EPHB1: variants seen among roughly 807,000 people sequenced by gnomAD.
EPHB1 encodes the protein ephrin type-B receptor 1.
A neutral mutation model predicts 94.4 loss-of-function variants in EPHB1; 30 were observed. The ratio of observed to expected loss-of-function variants is 0.32; its 90% CI spans 0.24 to 0.43. The LOEUF (loss-of-function observed/expected upper bound fraction) is 0.43. EPHB1 is among the 20% of genes least tolerant of loss of function. The pLI is 1.00. For missense variants in EPHB1, 1,055 were observed against 1,308.3 expected, an observed-to-expected ratio of 0.81 and a Z score of 2.99; for synonymous variants, 522 against 489.1, an observed-to-expected ratio of 1.07 and a Z score of -0.89.
chr3:135,226,456 T>TA (rs1943404543), intron 12 of EPHB1, among the ~76,000 whole-genome samples: 1 of 152,198 alleles, frequency 6.6e-6, no homozygotes, highest in African/African-American at 2.4e-5. Context: ...TCAAGGAGAA[T>TA]GGTCAGTGTA....
chr3:135,259,065 A>G lies in EPHB1; in HGVS notation c.2900A>G (p.Asn967Ser), dbSNP rs766596954. The stretch of plus-strand genomic sequence containing the variant: ...GCAGGCCATCAGAAGAAGATCCTGA[A>G]CAGCATTCATTCTATGAGGGTCCAG... Reference protein sequence around the residue: ...TLAGHQKKILNSIHSMRVQIS... With the variant: ...TLAGHQKKILSSIHSMRVQIS... The change falls in exon 16 of 16, where the codon AAC becomes AGC. Residue 967 changes from asparagine to serine, a missense_variant. Physicochemically the swap from Asn to Ser is conservative, Grantham distance 46. Coordinates refer to ENST00000398015, the MANE Select transcript of EPHB1 (RefSeq NM_004441.5). The G allele has an allele frequency of 1.2e-6, 2 of 1,611,022 alleles. No homozygotes were observed. The highest frequency in any genetic ancestry group is 1.7e-6 in the Non-Finnish European group (2 of 1,178,870).
chr3:135,032,240 T>C (rs969109109), intron 3 of EPHB1, among the ~76,000 whole-genome samples: 1 of 151,472 alleles, frequency 6.6e-6, no homozygotes, highest in African/African-American at 2.4e-5. Flanking sequence ...AGATGGATTC[T>C]TTTATTTTTT....
intron 3 of EPHB1, among the ~76,000 whole-genome samples, chr3:135,048,969 C>T (rs989649172): frequency 6.6e-6 from 1 of 152,176 alleles, no homozygotes; most frequent in South Asian, 2.1e-4. Context: ...CCTGTGGATG[C>T]TTCCTTACAG....
At position 135,132,804 on chromosome 3, in the gene EPHB1, G is replaced by A. The variant is rs757558701; in HGVS notation, c.1052G>A (p.Arg351Gln). ...CACCCTCCAAGGGAGACAGGTGGGC[G>A]GGATGATGTGACCTACAACATCATC... ...EWHPPRETGG[R>Q]DDVTYNIICK... The change falls in exon 5 of 16, where the codon CGG (arginine) becomes CAG (glutamine). Residue 351 changes from arginine to glutamine, a missense_variant. By Grantham distance (43) the Arg-to-Gln change is conservative. Transcript: ENST00000398015. The A allele has an allele frequency of 1.2e-6, 2 of 1,613,974 alleles. No individual in the cohort carries two copies. Among genetic ancestry groups the A allele is most frequent in the South Asian group, 1.1e-5 (1 of 91,072 alleles).
intron 1 of EPHB1, among the ~76,000 whole-genome samples, chr3:134,887,639 A>C (rs1389273408): frequency 6.6e-6 from 1 of 152,220 alleles, no homozygotes; most frequent in African/African-American, 2.4e-5. Context: ...AAATCTGAAT[A>C]ATGAAAAAGA....
At chr3:135,235,316 A>T (rs188950804) in intron 12 of EPHB1, among the ~76,000 whole-genome samples, 6 of 152,346 alleles carry the variant, frequency 3.9e-5, no homozygotes, top group African/African-American at 1.4e-4. Context: ...GGATTGATCT[A>T]TGCCAGCAGT....
chr3:135,055,958 C>T (rs1230719150), intron 3 of EPHB1, among the ~76,000 whole-genome samples: 1 of 152,200 alleles, frequency 6.6e-6, no homozygotes, highest in Non-Finnish European at 1.5e-5. Flanking sequence ...CCTGGGCTCT[C>T]TTCCACCTGG....
In EPHB1 at chr3:134,824,125, CTTTTTTTTTT is replaced by C. The variant is rs373504139; in HGVS notation, c.58+28452_58+28461del. Among the ~76,000 whole-genome samples the C allele has an allele frequency of 4.3e-3, 436 of 100,776 alleles. 2 individuals carry two copies. The highest frequency in any genetic ancestry group is 0.014 in the African/African-American group (407 of 29,558). The allele number at this position is 100,776 out of a possible 152,430, so 66.1% of individuals were successfully genotyped here. ...GAATGTTTACAAAAAGGATAATGCC[CTTTTTTTTTT>C]TTTTTTTTTTTTTTTGGTAATCCTA... On this transcript the variant is annotated intron_variant, in intron 1 of 15. Transcript: ENST00000398015.
At chr3:134,839,012 A>C (rs2036729361) in intron 1 of EPHB1, among the ~76,000 whole-genome samples, 2 of 152,218 alleles carry the variant, frequency 1.3e-5, no homozygotes, top group African/African-American at 4.8e-5. Context: ...ATATTCAGGT[A>C]AAAGAACAAA....
In EPHB1 at chr3:135,154,084, C is replaced by G. The variant is rs1941281173; in HGVS notation, c.1298-68C>G. ...ATGCCATTTTTCTCCCTACGTACCT[C>G]TGGAAGATGGCCCTTCCCCTATAAT... On this transcript the variant is annotated intron_variant, in intron 5 of 15. Coordinates refer to ENST00000398015, the MANE Select transcript of EPHB1 (RefSeq NM_004441.5). The G allele has an allele frequency of 2.5e-6, 4 of 1,600,082 alleles. No homozygotes were observed. The South Asian group carries it at 4.5e-5, about 18-fold the overall frequency.
At chr3:134,967,557 C>T (rs1933808810) in intron 3 of EPHB1, among the ~76,000 whole-genome samples, 3 of 152,040 alleles carry the variant, frequency 2.0e-5, no homozygotes, top group Admixed American at 2.0e-4. Context: ...GTATTGTTAC[C>T]ATTTGGCCAT....
At chr3:134,928,490 A>G (rs1184931849) in intron 2 of EPHB1, among the ~76,000 whole-genome samples, 1 of 152,194 alleles carries the variant, frequency 6.6e-6, no homozygotes, top group East Asian at 1.9e-4. Context: ...TACCTGACTC[A>G]ATGTTTCACT....
At chr3:135,170,508 A>T (rs888622465) in intron 9 of EPHB1, among the ~76,000 whole-genome samples, 1 of 9,156 alleles carries the variant, frequency 1.1e-4, no homozygotes, top group Non-Finnish European at 2.0e-4. Context: ...CAAGGGTGGG[A>T]GGGTGGGGAT....
intron 3 of EPHB1, among the ~76,000 whole-genome samples, chr3:135,052,901 A>T (rs1397495683): frequency 2.0e-5 from 2 of 100,420 alleles, no homozygotes; most frequent in Non-Finnish European, 3.5e-5. Flanking sequence ...ATATATATAT[A>T]TATATATATG....
intron 3 of EPHB1, among the ~76,000 whole-genome samples, chr3:135,005,690 C>G (rs556917815): frequency 1.4e-4 from 21 of 152,336 alleles, no homozygotes. Flanking sequence ...GTCGGAAAAG[C>G]GCAGTATTCG....
intron 9 of EPHB1, among the ~76,000 whole-genome samples, chr3:135,171,333 G>A (rs1475395383): frequency 6.6e-6 from 1 of 152,210 alleles, no homozygotes; most frequent in Non-Finnish European, 1.5e-5. Context: ...CCTACCAAAA[G>A]AAAGTAGGTT....
chr3:135,065,065 G>C (rs1937563818), intron 3 of EPHB1, among the ~76,000 whole-genome samples: 1 of 152,030 alleles, frequency 6.6e-6, no homozygotes, highest in South Asian at 2.1e-4. Context: ...GTCTGAGAGA[G>C]TGCCTGATAT....
rs966351585 is a variant in EPHB1 at position 134,817,788 on chromosome 3, C to T, written c.58+22099C>T. Among the ~76,000 whole-genome samples the T allele has an allele frequency of 4.6e-5, 7 of 152,268 alleles. No individual in the cohort carries two copies. In the East Asian group the frequency reaches 7.7e-4, roughly 17 times the overall value. On this transcript the variant is annotated intron_variant, in intron 1 of 15. Transcript: ENST00000398015. ...CAAGCTGTTCTTATAATGGTGGTTA[C>T]GATTGATTCTGGTGGACAGCTCCTG...
rs1391287321 is a variant in EPHB1, at chr3:134,890,931, A to T, written c.59-34885A>T. Among the ~76,000 whole-genome samples the T allele has an allele frequency of 2.0e-5, 3 of 152,170 alleles. No individual in the cohort carries two copies. In the East Asian group the frequency reaches 5.8e-4, roughly 29 times the overall value. ...TAATAGCCTGCCTTTTTACCACCTA[A>T]GACAGATTGCCAGTTAATTGTCTTG... On this transcript the variant is annotated intron_variant, in intron 1 of 15. Coordinates refer to ENST00000398015, the MANE Select transcript of EPHB1 (RefSeq NM_004441.5).
Sources: allele counts gnomAD v4.1 joint callset (sites outside exome capture counted in the v4.1 genomes callset), GRCh38; gene constraint gnomAD v4.1.1; transcripts MANE v1.5; gene names NCBI Gene and HGNC (gene_info 2026-07-23, HGNC 2026-07-21).